Variants in PTBP2 observed in about 807,000 individuals in gnomAD.
PTBP2 encodes polypyrimidine tract-binding protein 2.
PTBP2 carries 13 observed loss-of-function variants against 61.4 expected under a neutral mutation model. The observed-to-expected ratio is 0.21, with a 90% CI of 0.14 to 0.34. The LOEUF (loss-of-function observed/expected upper bound fraction) is 0.34, where lower values mean the gene tolerates loss of function less well. Among genes scored for constraint, PTBP2 ranks in the 10% least tolerant of loss-of-function variants. PTBP2 has a pLI of 1.00. For missense variants in PTBP2, 405 were observed against 642.6 expected, an observed-to-expected ratio of 0.63 and a Z score of 4.00; for synonymous variants, 215 against 218.5, an observed-to-expected ratio of 0.98 and a Z score of 0.14.
chr1:96,772,621 A>G (rs527366846), intron 5 of PTBP2, among the ~76,000 whole-genome samples: 1 of 152,154 alleles, frequency 6.6e-6, no homozygotes, highest in Admixed American at 6.5e-5. Context: ...CTCTCTACTA[A>G]TGTGAGTTCA....
chr1:96,763,441 G>A (rs946723109), intron 3 of PTBP2, among the ~76,000 whole-genome samples: 4 of 151,528 alleles, frequency 2.6e-5, no homozygotes, highest in Non-Finnish European at 5.9e-5. Flanking sequence ...AGTCAGGCGT[G>A]GCGGCGCGTG....
At chr1:96,727,301 T>C (rs539421458) in intron 2 of PTBP2, among the ~76,000 whole-genome samples, 1 of 152,340 alleles carries the variant, frequency 6.6e-6, no homozygotes, top group East Asian at 1.9e-4. Context: ...CATTCAAGTC[T>C]TGAGGGACAT....
chr1:96,760,440 C>CTTTTTTTTT (rs989047792), intron 3 of PTBP2, among the ~76,000 whole-genome samples: 2 of 83,084 alleles, frequency 2.4e-5, no homozygotes, highest in Admixed American at 1.5e-4. Flanking sequence ...AAATAGTTTG[C>CTTTTTTTTT]TTTTTTTTTT....
chr1:96,729,022 T>A (rs940058329), intron 2 of PTBP2, among the ~76,000 whole-genome samples: 15 of 152,152 alleles, frequency 9.9e-5, no homozygotes, highest in Non-Finnish European at 1.8e-4. Flanking sequence ...TAGTTTTTTT[T>A]ATATATTTCA....
At chr1:96,810,100 A>C (rs1661914638) in intron 11 of PTBP2, among the ~76,000 whole-genome samples, 1 of 152,142 alleles carries the variant, frequency 6.6e-6, no homozygotes, top group African/African-American at 2.4e-5. Flanking sequence ...TATGTCTGTA[A>C]ATTTCTTGAG....
intron 2 of PTBP2, among the ~76,000 whole-genome samples, chr1:96,741,874 A>T (rs1198584430): frequency 6.6e-6 from 1 of 152,152 alleles, no homozygotes; most frequent in African/African-American, 2.4e-5. Flanking sequence ...TTCTCCAATG[A>T]TCTGCTTTCT....
At chr1:96,751,564 AAT>A in intron 3 of PTBP2, 64 bp downstream of exon 3, 1 of 1,229,568 alleles carries the variant, frequency 8.1e-7, no homozygotes, top group Non-Finnish European at 1.2e-6. Context: ...TTAAAACTCA[AAT>A]TTAACCCTGT....
intron 9 of PTBP2, among the ~76,000 whole-genome samples, chr1:96,805,934 A>G (rs1389319023): frequency 1.3e-5 from 2 of 152,170 alleles, no homozygotes; most frequent in African/African-American, 4.8e-5. Context: ...TACTTTACCC[A>G]TATTTGTCTT....
At chr1:96,794,063 T>C (rs1486816025) in intron 8 of PTBP2, among the ~76,000 whole-genome samples, 2 of 152,344 alleles carry the variant, frequency 1.3e-5, no homozygotes, top group East Asian at 3.9e-4. Context: ...CTTAAATGGA[T>C]CCATTATGTT....
At chr1:96,800,584 A>G (rs558275883) in intron 8 of PTBP2, among the ~76,000 whole-genome samples, 2 of 152,122 alleles carry the variant, frequency 1.3e-5, no homozygotes, top group African/African-American at 4.8e-5. Flanking sequence ...AATAAAAAAA[A>G]TTAGCCATGC....
chr1:96,798,938 C>T (rs1399887394), intron 8 of PTBP2, among the ~76,000 whole-genome samples: 2 of 152,114 alleles, frequency 1.3e-5, no homozygotes, highest in African/African-American at 4.8e-5. Flanking sequence ...CAGTTTAATT[C>T]TTCAGTTGAA....
At chr1:96,731,962 C>T (rs565029843) in intron 2 of PTBP2, among the ~76,000 whole-genome samples, 13 of 152,146 alleles carry the variant, frequency 8.5e-5, no homozygotes, top group East Asian at 1.9e-4. Flanking sequence ...GTCCCCAATA[C>T]GGTAAAATGT....
intron 2 of PTBP2, among the ~76,000 whole-genome samples, chr1:96,728,084 G>A (rs1650846002): frequency 6.6e-6 from 1 of 151,986 alleles, no homozygotes; most frequent in African/African-American, 2.4e-5. Context: ...TGAACTCCTG[G>A]ACACAAGGGC....
intron 7 of PTBP2, among the ~76,000 whole-genome samples, chr1:96,781,356 T>G (rs934145228): frequency 6.6e-6 from 1 of 152,036 alleles, no homozygotes; most frequent in Non-Finnish European, 1.5e-5. Flanking sequence ...AGTGACTTTT[T>G]TGTCCTTGCA....
intron 3 of PTBP2, among the ~76,000 whole-genome samples, chr1:96,762,418 G>A (rs1349156885): frequency 1.0e-4 from 15 of 148,182 alleles, no homozygotes; most frequent in East Asian, 4.1e-4. Context: ...CCTCCCTCCC[G>A]GATGGGGCAG....
rs879783255 is a variant in PTBP2 at position 96,771,095 on chromosome 1, C to G, written c.432+244C>G. Reference sequence around the variant, plus strand: ...TTAAAATTTTTGTGTAGAAACTTATCAGGTAGGATTTATTATTAGCATAAA... The same window carrying G: ...TTAAAATTTTTGTGTAGAAACTTATGAGGTAGGATTTATTATTAGCATAAA... On this transcript the variant is annotated intron_variant, in intron 5 of 13. Transcript: ENST00000674951. 67 of 315,506 alleles carry G rather than the reference C, an allele frequency of 2.1e-4. 1 individual carries two copies. In the Middle Eastern group the frequency reaches 4.6e-3, roughly 21 times the overall value. 19.5% of individuals were successfully genotyped at this position (315,506 alleles called of 1,614,324 possible).
chr1:96,758,204 CAA>C (rs1655383227), intron 3 of PTBP2, among the ~76,000 whole-genome samples: 1 of 151,618 alleles, frequency 6.6e-6, no homozygotes, highest in East Asian at 1.9e-4. Flanking sequence ...AGTTTCTTGA[CAA>C]ATGCAAAACT....
intron 3 of PTBP2, among the ~76,000 whole-genome samples, chr1:96,756,519 T>G (rs1220734394): frequency 6.6e-6 from 1 of 152,226 alleles, no homozygotes; most frequent in Non-Finnish European, 1.5e-5. Context: ...TTCTTTATAG[T>G]TGCCAGAACT....
chr1:96,721,836 T>A lies in PTBP2; in HGVS notation c.-29T>A. The A allele has an allele frequency of 1.3e-6, 2 of 1,560,524 alleles. No homozygotes were observed. Among genetic ancestry groups the A allele is most frequent in the Non-Finnish European group, 1.7e-6 (2 of 1,152,250 alleles). On this transcript the variant is annotated 5_prime_UTR_variant, in exon 1 of 14. It adds an upstream start codon to the 5' untranslated region. Transcript: ENST00000674951. ...GCTCGCTGGCTGCGTGGCTCGGTTC[T>A]TGTGAGCGAAGCTTTGTCCGGTTCG...
Sources: gnomAD v4.1 joint callset for allele counts (sites outside exome capture counted in the v4.1 genomes callset) on GRCh38, gnomAD v4.1.1 for gene constraint, MANE v1.5 for transcripts, NCBI Gene and HGNC (gene_info 2026-07-23, HGNC 2026-07-21) for gene names.